The following ABCD4 variants were observed in gnomAD, a reference collection of about 807,000 sequenced individuals.
ABCD4 encodes ATP binding cassette subfamily D member 4, also known as lysosomal cobalamin transporter ABCD4.
In ABCD4, 53 loss-of-function variants were observed where a neutral mutation model predicts 86.3. The ratio of observed to expected loss-of-function variants is 0.61; its 90% CI spans 0.49 to 0.77. ABCD4 has a LOEUF of 0.77. Ranked by LOEUF, ABCD4 falls within the 30% of genes least tolerant of loss-of-function variation. The pLI, the probability that ABCD4 is intolerant of heterozygous loss-of-function variation, is 0.00. For missense variants in ABCD4, 757 were observed against 764.5 expected (o/e 0.99, Z 0.12); for synonymous variants, 328 against 313.6 (o/e 1.05, Z -0.49).
In ABCD4 at chr14:74,286,199, A is replaced by C. The variant is rs2466; in HGVS notation, c.*262T>G. On this transcript the variant is annotated 3_prime_UTR_variant, in exon 19 of 19. Coordinates refer to ENST00000356924, the MANE Select transcript of ABCD4 (RefSeq NM_005050.4). ...ACATGATCTGAAATCATTTGTAGGTAATCAGCACTTCAAGCATATGGAGGC... is the reference window on the plus strand; with the variant it reads ...ACATGATCTGAAATCATTTGTAGGTCATCAGCACTTCAAGCATATGGAGGC... 64,790 of 393,800 alleles carry C rather than the reference A, an allele frequency of 0.16. 7,417 individuals are homozygous for C. Among genetic ancestry groups the C allele is most frequent in the East Asian group, 0.46 (10,984 of 23,794 alleles). The allele number at this position is 393,800 out of a possible 1,614,324, so 24.4% of individuals were successfully genotyped here. A position where few individuals can be genotyped will look rare whatever the true frequency, so the allele number is the denominator to read the frequency against.
intron 3 of ABCD4, chr14:74,299,228 T>G: frequency 8.1e-6 from 2 of 246,450 alleles, no homozygotes; most frequent in South Asian, 1.1e-4. Context: ...CAGCTCTGGC[T>G]GCTGAGCCGT....
chr14:74,294,936 C>T (rs1053514031), intron 7 of ABCD4: 38 of 594,820 alleles, frequency 6.4e-5, no homozygotes, highest in Non-Finnish European at 1.0e-4. Flanking sequence ...CTAAAGCTGG[C>T]CACAGTAAGG....
rs2080870616 is a variant in ABCD4 at position 74,289,536 on chromosome 14, A to G, written c.1420-17T>C. The stretch of plus-strand genomic sequence containing the variant: ...ATATATCACCTGAGAAAAGAAAAAA[A>G]CCACACCAACCTAGGAGGGCGAGCA... On this transcript the variant is annotated splice_polypyrimidine_tract_variant and intron_variant, in intron 13 of 18. Transcript: ENST00000356924. The G allele has an allele frequency of 6.2e-7, 1 of 1,613,140 alleles. No homozygotes were observed. Among genetic ancestry groups the G allele is most frequent in the Non-Finnish European group, 8.5e-7 (1 of 1,179,682 alleles).
chr14:74,295,048 G>T, intron 7 of ABCD4, 100 bp downstream of exon 7: 1 of 1,429,564 alleles, frequency 7.0e-7, no homozygotes, highest in Non-Finnish European at 9.8e-7. Context: ...ACAACACTCA[G>T]CCCCTGAGCT....
intron 13 of ABCD4, 140 bp from the exon 14 acceptor site, chr14:74,289,659 G>A (rs2080917733): frequency 5.4e-6 from 8 of 1,469,148 alleles, no homozygotes; most frequent in South Asian, 1.4e-5. Context: ...AGATGGGAGA[G>A]GCTCTGGCCG....
rs571048074 is a variant in ABCD4, at chr14:74,302,000, T to C, written c.38+875A>G. Among the ~76,000 whole-genome samples, 4 of 147,682 alleles carry C rather than the reference T, an allele frequency of 2.7e-5. No individual in the cohort carries two copies. The East Asian group carries it at 6.3e-4, about 23-fold the overall frequency. ...TACAAAACCAGCCGCCACTGAACGA[T>C]GGAGGGATACCGGGAAACAGGAAGC... On this transcript the variant is annotated intron_variant, in intron 1 of 18. Coordinates refer to ENST00000356924, the MANE Select transcript of ABCD4 (RefSeq NM_005050.4).
At chr14:74,297,775 T>C in intron 4 of ABCD4, 155 bp downstream of exon 4, 1 of 1,384,996 alleles carries the variant, frequency 7.2e-7, no homozygotes. Flanking sequence ...TCTCCAGGAG[T>C]CCTCTGCAGG....
chr14:74,302,817 C>G, intron 1 of ABCD4, 58 bp downstream of exon 1: 1 of 1,551,070 alleles, frequency 6.4e-7, no homozygotes, highest in Middle Eastern at 1.8e-4. Flanking sequence ...CAGGAAAGCC[C>G]ATTCCCTACA....
In ABCD4 at chr14:74,302,899, C is replaced by G. The variant is rs766542727; in HGVS notation, c.14G>C (p.Gly5Ala). Residue 5 changes from glycine to alanine, a missense_variant, in exon 1 of 19, where the codon GGG becomes GCG. Coordinates refer to ENST00000356924, the MANE Select transcript of ABCD4 (RefSeq NM_005050.4). ...CCTGGCGCCAGCTCCGGGCGCGGGCCCCGCGACCGCCATGACCTGAGACCC... is the reference window on the plus strand; with the variant it reads ...CCTGGCGCCAGCTCCGGGCGCGGGCGCCGCGACCGCCATGACCTGAGACCC... The part of the protein sequence containing the change: MAVA[G>A]PAPGAGARPR... 5 of 1,607,622 alleles carry G rather than the reference C, an allele frequency of 3.1e-6. No homozygotes were observed. The highest frequency in any genetic ancestry group is 4.2e-6 in the Non-Finnish European group (5 of 1,177,370).
rs2082016132 is a variant in ABCD4 at position 74,293,225 on chromosome 14, C to T, written c.743G>A (p.Arg248Lys). 6.2e-7 allele frequency: 1 copy of T among 1,614,180 alleles called. No homozygotes were observed. Among genetic ancestry groups the T allele is most frequent in the Non-Finnish European group, 8.5e-7 (1 of 1,180,034 alleles). The change falls in exon 8 of 19, where the codon AGG becomes AAG. Residue 248 changes from arginine (R) to lysine (K), a missense_variant. Physicochemically the swap from Arg to Lys is conservative, Grantham distance 26. Transcript: ENST00000356924. ...GAGTCTCTGCAGCCTGCGGTCTGTC[C>T]TCATGTGCTCCACATGCCCAGCTCT... ...FYRAGHVEHMRTDRRLQRLLQ... is the reference protein window; with the variant it reads ...FYRAGHVEHMKTDRRLQRLLQ...
chr14:74,295,311 C>G (rs148964775), intron 6 of ABCD4, 113 bp from the exon 7 acceptor site: 3 of 1,263,342 alleles, frequency 2.4e-6, no homozygotes, highest in African/African-American at 1.5e-5. Context: ...GCCTCAAAAC[C>G]GTGGCTGCCT....
intron 18 of ABCD4, 82 bp from the exon 19 acceptor site, chr14:74,286,611 T>C: frequency 2.5e-6 from 4 of 1,611,470 alleles, no homozygotes; most frequent in Non-Finnish European, 3.4e-6. Context: ...CTGCTACTGC[T>C]ACTCCCCGTT....
rs143416877 is a variant in ABCD4, at chr14:74,290,027, C to T, written c.1419G>A (p.Gln473=). 9 of 1,614,018 alleles carry T rather than the reference C, an allele frequency of 5.6e-6. No individual in the cohort carries two copies. In the African/African-American group the frequency reaches 1.2e-4, roughly 22 times the overall value. Residue 473 remains glutamine (Q), a splice_region_variant and synonymous_variant, in exon 13 of 19, where the codon CAG becomes CAA. Transcript: ENST00000356924. The part of the protein sequence containing the change: ...PFFTDGTLRE[Q]VIYPLKEVYP... ...AGTGAGCCCCCTGAACTAGACTGAC[C>T]TGCTCCCGAAGGGTCCCGTCAGTGA... is the stretch of plus-strand genomic sequence containing the variant.
At position 74,287,003 on chromosome 14, in the gene ABCD4, A is replaced by C. The variant is rs8011290; in HGVS notation, c.1637-187T>G. ...AGAGGGCCAGACTCTCCAAGGGAAT[A>C]GCCTGTGAGCAGCTGCATGAAATCT... On this transcript the variant is annotated intron_variant, in intron 17 of 18. Coordinates refer to ENST00000356924, the MANE Select transcript of ABCD4 (RefSeq NM_005050.4). Among the ~76,000 whole-genome samples, 9,858 of 152,250 alleles carry C rather than the reference A, an allele frequency of 0.065. 1,081 individuals are homozygous for C. Among genetic ancestry groups the C allele is most frequent in the African/African-American group, 0.23 (9,345 of 41,526 alleles).
chr14:74,289,344 A>AG lies in ABCD4; in HGVS notation c.1456+138dup, dbSNP rs962028701. ...TACAGACCCCAAAACAGTCAAAGGA[A>AG]GAGGAGAGGAGCCCCTCTTCCTTGA... is the stretch of plus-strand genomic sequence containing the variant. On this transcript the variant is annotated intron_variant, in intron 14 of 18. Transcript: ENST00000356924. 3 of 1,463,004 alleles carry AG rather than the reference A, an allele frequency of 2.1e-6. No individual in the cohort carries two copies. The African/African-American group carries it at 4.3e-5, about 21-fold the overall frequency. The allele number at this position is 1,463,004 out of a possible 1,614,324, so 90.6% of individuals were successfully genotyped here.
chr14:74,302,736 G>A lies in ABCD4; in HGVS notation c.38+139C>T, dbSNP rs1056755854. Reference sequence around the variant, plus strand: ...GGCGGGAGGGCGGACGCCCCTTCGAGAGCTCCTCTTTCTCTCAGAAGTCAC... The same window carrying A: ...GGCGGGAGGGCGGACGCCCCTTCGAAAGCTCCTCTTTCTCTCAGAAGTCAC... On this transcript the variant is annotated intron_variant, in intron 1 of 18. Transcript: ENST00000356924. 13 of 1,041,396 alleles carry A rather than the reference G, an allele frequency of 1.2e-5. No homozygotes were observed. In the Admixed American group the frequency reaches 4.3e-4, roughly 34 times the overall value. The allele number at this position is 1,041,396 out of a possible 1,614,324, so 64.5% of individuals were successfully genotyped here.
Position 74,286,696 on chromosome 14 carries a change from G to A in ABCD4, c.1752+5C>T, listed in dbSNP as rs370270229. 2.5e-3 allele frequency: 4,045 copies of A among 1,614,044 alleles called. 131 individuals carry two copies. The South Asian group carries it at 0.042, about 17-fold the overall frequency. ...TCCTCAGGCCATCCTTGTGAGCACG[G>A]GTACCTTCTCAAGGCTCTGCCGATG... On this transcript the variant is annotated splice_donor_5th_base_variant and intron_variant, in intron 18 of 18. Coordinates refer to ENST00000356924, the MANE Select transcript of ABCD4 (RefSeq NM_005050.4).
At position 74,289,489 on chromosome 14, in the gene ABCD4, C is replaced by A; in HGVS notation, c.1450G>T (p.Asp484Tyr). 6.2e-7 allele frequency: 1 copy of A among 1,612,488 alleles called. No individual in the cohort carries two copies. Among genetic ancestry groups the A allele is most frequent in the South Asian group, 1.1e-5 (1 of 90,918 alleles). Residue 484 changes from aspartate (D) to tyrosine (Y), a missense_variant, in exon 14 of 19, where the codon GAC becomes TAC. Asp to Tyr is a radical substitution (Grantham distance 160, BLOSUM62 -3). Transcript: ENST00000356924. Reference protein sequence around the residue: ...VIYPLKEVYPDSGSADDERIL... With the variant: ...VIYPLKEVYPYSGSADDERIL... ...CTAAGGAGGACCAGCTCACCTGAGT[C>A]GGGGTAGACCTCCTTCAGGGGATAT...
At position 74,288,266 on chromosome 14, in the gene ABCD4, C is replaced by G. The variant is rs1218567812; in HGVS notation, c.1507-7G>C. The G allele has an allele frequency of 6.2e-7, 1 of 1,605,020 alleles. No individual in the cohort carries two copies. The highest frequency in any genetic ancestry group is 1.7e-5 in the Admixed American group (1 of 59,240). ...TCCTTGCCACCAAGTTGGACTGTAACAGACCCAGAGGGCAGGATGTCCATG... is the reference window on the plus strand; with the variant it reads ...TCCTTGCCACCAAGTTGGACTGTAAGAGACCCAGAGGGCAGGATGTCCATG... On this transcript the variant is annotated splice_region_variant and splice_polypyrimidine_tract_variant and intron_variant, in intron 15 of 18. Coordinates refer to ENST00000356924, the MANE Select transcript of ABCD4 (RefSeq NM_005050.4).
Sources: allele counts gnomAD v4.1 joint callset (sites outside exome capture counted in the v4.1 genomes callset), GRCh38; gene constraint gnomAD v4.1.1; transcripts MANE v1.5; gene names NCBI Gene and HGNC (gene_info 2026-07-23, HGNC 2026-07-21).